Variants in PLAAT3 observed in about 807,000 individuals in gnomAD.
PLAAT3 encodes the protein Ca-independent phospholipase A1/2.
PLAAT3 carries 21 observed loss-of-function variants against 16.7 expected under a neutral mutation model. That is an observed-to-expected ratio of 1.26 (90% CI 0.89 to 1.81). PLAAT3 has a LOEUF of 1.81. Ranked by LOEUF, PLAAT3 falls within the 40% of genes most tolerant of loss-of-function variation. PLAAT3 has a pLI of 0.00. For synonymous variants in PLAAT3, 76 were observed against 81.7 expected (o/e 0.93, Z 0.38); for missense variants, 219 against 213.7 (o/e 1.02, Z -0.16).
At chr11:63,616,588 A>C (rs1023257462), upstream of PLAAT3, 11 of 152,002 alleles carry the variant, frequency 7.2e-5, no homozygotes, top group African/African-American at 2.4e-4. Context: ...ACAACTTACT[A>C]TTCTTTGTCC....
intron 3 of PLAAT3, among the ~76,000 whole-genome samples, chr11:63,593,743 C>T (rs1250698995): frequency 6.6e-6 from 1 of 152,070 alleles, no homozygotes; most frequent in Non-Finnish European, 1.5e-5. Flanking sequence ...CCATGCCCGA[C>T]TAATTTTTGT....
intron 2 of PLAAT3, among the ~76,000 whole-genome samples, chr11:63,604,779 T>C (rs1938516246): frequency 6.6e-6 from 1 of 152,110 alleles, no homozygotes; most frequent in Non-Finnish European, 1.5e-5. Context: ...AAAAGTATTT[T>C]CTAGTTTTCC....
In PLAAT3 at chr11:63,590,315, C is replaced by T. The variant is rs1280614833; in HGVS notation, c.172G>A (p.Ala58Thr). The change falls in exon 4 of 5, where the codon GCC (alanine) becomes ACC (threonine). Residue 58 changes from alanine to threonine, a missense_variant. Coordinates refer to ENST00000415826, the MANE Select transcript of PLAAT3 (RefSeq NM_001128203.2). ...TACAGCAATTCCTTCTTCACGATGG[C>T]CTTGTCAGTCAGGGCGGACATGACA... is the stretch of plus-strand genomic sequence containing the variant. ...ASVMSALTDK[A>T]IVKKELLYDV... 2 of 1,614,070 alleles carry T rather than the reference C, an allele frequency of 1.2e-6. No individual in the cohort carries two copies. Among genetic ancestry groups the T allele is most frequent in the Non-Finnish European group, 8.5e-7 (1 of 1,179,886 alleles).
chr11:63,596,237 C>CCA (rs1491281145), intron 3 of PLAAT3, among the ~76,000 whole-genome samples: 2 of 40,708 alleles, frequency 4.9e-5, no homozygotes, highest in East Asian at 2.1e-3. Flanking sequence ...GAGACTCTGT[C>CCA]AAAAAAAAAA....
intron 2 of PLAAT3, among the ~76,000 whole-genome samples, chr11:63,600,409 AG>A (rs765494291): frequency 2.0e-5 from 3 of 152,198 alleles, no homozygotes; most frequent in Non-Finnish European, 4.4e-5. Flanking sequence ...ATACCCAAAA[AG>A]CCACATACTG....
chr11:63,594,656 T>C (rs1158443791), intron 3 of PLAAT3, among the ~76,000 whole-genome samples: 2 of 151,692 alleles, frequency 1.3e-5, no homozygotes, highest in Non-Finnish European at 2.9e-5. Context: ...GTATAGGGGA[T>C]GGAAGGCAGA....
At chr11:63,578,267 A>G (rs1332885461) in intron 4 of PLAAT3, among the ~76,000 whole-genome samples, 1 of 151,834 alleles carries the variant, frequency 6.6e-6, no homozygotes, top group Non-Finnish European at 1.5e-5. Context: ...TGGACAACAG[A>G]GCAAGACTCA....
chr11:63,606,310 G>A (rs984730782), intron 2 of PLAAT3, among the ~76,000 whole-genome samples: 17 of 152,076 alleles, frequency 1.1e-4, no homozygotes, highest in African/African-American at 3.9e-4. Flanking sequence ...TAGTAGGCCG[G>A]CGCGGTGGCT....
intron 4 of PLAAT3, among the ~76,000 whole-genome samples, chr11:63,579,315 C>T (rs373436420): frequency 3.3e-5 from 5 of 152,136 alleles, no homozygotes; most frequent in African/African-American, 7.2e-5. Flanking sequence ...GTCAGTGTGG[C>T]GATTCCTCAG....
upstream of PLAAT3, among the ~76,000 whole-genome samples, chr11:63,615,314 GTA>G (rs374611337): frequency 6.2e-4 from 26 of 41,738 alleles, 5 homozygotes; most frequent in Admixed American, 3.8e-3. Context: ...ATATATGTGT[GTA>G]TATATGTGTG....
In PLAAT3 at chr11:63,586,195, G is replaced by T. The variant is rs151128207; in HGVS notation, c.387+3905C>A. Among the ~76,000 whole-genome samples, 8 of 152,242 alleles carry T rather than the reference G, an allele frequency of 5.3e-5. No homozygotes were observed. In the East Asian group the frequency reaches 1.5e-3, roughly 29 times the overall value. On this transcript the variant is annotated intron_variant, in intron 4 of 4. Transcript: ENST00000415826. ...GTTGCCCAGGCTGGAGTACACTGGC[G>T]CAATCTTGGCTCACTGCAACCTCCA... is the stretch of plus-strand genomic sequence containing the variant.
intron 4 of PLAAT3, among the ~76,000 whole-genome samples, chr11:63,586,564 C>T (rs76171703): frequency 1.3e-5 from 2 of 152,150 alleles, no homozygotes; most frequent in Non-Finnish European, 2.9e-5. Flanking sequence ...TATTGCTTCC[C>T]AAGGTTGTCT....
intron 4 of PLAAT3, among the ~76,000 whole-genome samples, chr11:63,581,098 G>A (rs1339809800): frequency 1.3e-5 from 2 of 152,156 alleles, no homozygotes; most frequent in African/African-American, 4.8e-5. Flanking sequence ...CGTAAGCTGA[G>A]AATGTACGTC....
At chr11:63,592,648 G>A (rs977047148) in intron 3 of PLAAT3, among the ~76,000 whole-genome samples, 3 of 152,192 alleles carry the variant, frequency 2.0e-5, no homozygotes, top group African/African-American at 4.8e-5. Flanking sequence ...GCCTGGGTTT[G>A]GGTCCTGCCT....
intron 3 of PLAAT3, among the ~76,000 whole-genome samples, chr11:63,597,057 T>C (rs1284764435): frequency 6.8e-6 from 1 of 147,940 alleles, no homozygotes; most frequent in Non-Finnish European, 1.5e-5. Context: ...GATTGTGCCA[T>C]GGCACTCTAC....
chr11:63,599,107 C>T (rs1035806180), intron 2 of PLAAT3, among the ~76,000 whole-genome samples: 11 of 152,116 alleles, frequency 7.2e-5, no homozygotes, highest in East Asian at 3.8e-4. Flanking sequence ...GGGGAAGTTC[C>T]GACTCTCACT....
chr11:63,586,628 G>A (rs934296826), intron 4 of PLAAT3, among the ~76,000 whole-genome samples: 6 of 152,060 alleles, frequency 3.9e-5, no homozygotes, highest in African/African-American at 1.2e-4. Flanking sequence ...TTTACCAAGA[G>A]TAAGTAAACA....
At chr11:63,611,158 A>C (rs1471399142) in intron 2 of PLAAT3, among the ~76,000 whole-genome samples, 2 of 151,990 alleles carry the variant, frequency 1.3e-5, no homozygotes, top group African/African-American at 4.8e-5. Context: ...CCCAGGCTGG[A>C]GTGCACTGGC....
At chr11:63,589,018 A>G (rs1283978201) in intron 4 of PLAAT3, among the ~76,000 whole-genome samples, 1 of 152,098 alleles carries the variant, frequency 6.6e-6, no homozygotes, top group Non-Finnish European at 1.5e-5. Context: ...AATTTAAAAA[A>G]AAAAAATGAG....
Sources: allele counts gnomAD v4.1 joint callset (sites outside exome capture counted in the v4.1 genomes callset), GRCh38; gene constraint gnomAD v4.1.1; transcripts MANE v1.5; gene names NCBI Gene and HGNC (gene_info 2026-07-23, HGNC 2026-07-21).